The following RBPMS variants were observed in gnomAD, a reference collection of about 807,000 sequenced individuals.
RBPMS encodes the protein RNA binding protein, mRNA processing factor, also known as RNA-binding protein with multiple splicing.
In RBPMS, 7 loss-of-function variants were observed where a neutral mutation model predicts 26.8. That is an observed-to-expected ratio of 0.26 (90% CI 0.15 to 0.49). The LOEUF is 0.49. Ranked by LOEUF, RBPMS falls within the 20% of genes least tolerant of loss-of-function variation. The probability of loss-of-function intolerance (pLI) is 0.98; values close to 1 mark genes in which losing one functional copy is unlikely to be tolerated. For missense variants in RBPMS, 186 were observed against 250.0 expected (o/e 0.74, Z 1.73); for synonymous variants, 96 against 93.3 (o/e 1.03, Z -0.17).
At chr8:30,442,443 C>A (rs903200005) in intron 1 of RBPMS, among the ~76,000 whole-genome samples, 1 of 152,156 alleles carries the variant, frequency 6.6e-6, no homozygotes, top group Non-Finnish European at 1.5e-5. Flanking sequence ...TCACCCTCAC[C>A]GTGGCAACTC....
chr8:30,440,698 G>T (rs78389789), intron 1 of RBPMS, among the ~76,000 whole-genome samples: 2,893 of 151,968 alleles, frequency 0.019, 92 homozygotes, highest in African/African-American at 0.066. Flanking sequence ...AATTGTTTTT[G>T]ATTTTTTGAG....
chr8:30,478,644 C>T (rs917485607), intron 3 of RBPMS, among the ~76,000 whole-genome samples: 6 of 152,034 alleles, frequency 3.9e-5, no homozygotes, highest in Non-Finnish European at 7.4e-5. Context: ...GGACTACAGG[C>T]GCATGCCACC....
intron 7 of RBPMS, chr8:30,565,836 GCC>G (rs2151095344): frequency 6.6e-6 from 1 of 152,642 alleles, no homozygotes; most frequent in South Asian, 2.1e-4. Flanking sequence ...CAGGTCCCAT[GCC>G]TTTCCTCTGC....
intron 1 of RBPMS, among the ~76,000 whole-genome samples, chr8:30,419,449 A>T (rs1041556797): frequency 7.2e-5 from 3 of 41,662 alleles, no homozygotes; most frequent in Non-Finnish European, 1.4e-4. Context: ...GCATCTCAAA[A>T]ATGTGTGTGT....
chr8:30,516,316 G>C (rs937353972), intron 5 of RBPMS, among the ~76,000 whole-genome samples: 7 of 152,144 alleles, frequency 4.6e-5, no homozygotes, highest in African/African-American at 1.7e-4. Context: ...ACCCAGGAGG[G>C]AGAGGTTGCA....
In RBPMS at chr8:30,544,618, T is replaced by C. The variant is rs765470504; in HGVS notation, c.522T>C (p.His174=). The change falls in exon 6 of 9, where the codon CAT becomes CAC. Residue 174 remains histidine, a synonymous_variant. Transcript: ENST00000397323. ...PPAFTYPASL[H]AQMRWLPPSE... ...CTTTCACCTATCCCGCTTCACTGCA[T>C]GCCCAGGTAATTGATACCCATCGGC... 25 of 1,614,008 alleles carry C rather than the reference T, an allele frequency of 1.5e-5. 1 individual carries two copies. In the South Asian group the frequency reaches 2.7e-4, roughly 18 times the overall value.
chr8:30,492,809 G>T (rs1819535209), intron 4 of RBPMS, among the ~76,000 whole-genome samples: 1 of 152,168 alleles, frequency 6.6e-6, no homozygotes, highest in Non-Finnish European at 1.5e-5. Context: ...GAATAAGGTT[G>T]TGATTTCTTT....
chr8:30,391,825 C>G (rs1402910314), intron 1 of RBPMS, among the ~76,000 whole-genome samples: 1 of 152,026 alleles, frequency 6.6e-6, no homozygotes, highest in Non-Finnish European at 1.5e-5. Flanking sequence ...GTCAGTGTTG[C>G]TGATAGCAGG....
chr8:30,569,102 C>T (rs1244834522), intron 8 of RBPMS, among the ~76,000 whole-genome samples: 2 of 152,192 alleles, frequency 1.3e-5, no homozygotes, highest in African/African-American at 4.8e-5. Flanking sequence ...GCTGCAGCTA[C>T]CCATGGAGGC....
At chr8:30,522,062 C>T (rs543413713) in intron 5 of RBPMS, among the ~76,000 whole-genome samples, 1 of 152,112 alleles carries the variant, frequency 6.6e-6, no homozygotes, top group Non-Finnish European at 1.5e-5. Context: ...GTGTTCTTAT[C>T]AGAAAAACCT....
chr8:30,564,185 A>AAC (rs1268658622), intron 7 of RBPMS: 7 of 152,160 alleles, frequency 4.6e-5, no homozygotes, highest in Non-Finnish European at 8.8e-5. Flanking sequence ...AAAGACCTAG[A>AAC]ACTTCACCAG....
chr8:30,548,574 ACTGC>A (rs1485753068), intron 6 of RBPMS, among the ~76,000 whole-genome samples: 1 of 152,158 alleles, frequency 6.6e-6, no homozygotes, highest in Non-Finnish European at 1.5e-5. Context: ...ATTATAACAG[ACTGC>A]CTGAGGACAA....
At chr8:30,563,642 G>A (rs1481020198) in intron 7 of RBPMS, among the ~76,000 whole-genome samples, 4 of 152,168 alleles carry the variant, frequency 2.6e-5, no homozygotes, top group African/African-American at 9.7e-5. Flanking sequence ...GACGGAATTT[G>A]GAGCTATTTT....
At chr8:30,549,230 G>T (rs1290811005) in intron 6 of RBPMS, among the ~76,000 whole-genome samples, 3 of 152,340 alleles carry the variant, frequency 2.0e-5, no homozygotes, top group Non-Finnish European at 2.9e-5. Context: ...TAAGGCAGGA[G>T]TCCGGAGATT....
chr8:30,516,399 A>AC (rs977303855), intron 5 of RBPMS, among the ~76,000 whole-genome samples: 2 of 151,606 alleles, frequency 1.3e-5, no homozygotes, highest in African/African-American at 4.8e-5. Flanking sequence ...AAAAAAGAAA[A>AC]AACACCTGCA....
chr8:30,542,588 G>C (rs191768338), intron 5 of RBPMS, among the ~76,000 whole-genome samples: 6 of 152,312 alleles, frequency 3.9e-5, no homozygotes, highest in Middle Eastern at 3.4e-3. Flanking sequence ...ATGGTCTTCT[G>C]CTATCACAGT....
intron 1 of RBPMS, among the ~76,000 whole-genome samples, chr8:30,390,734 G>T (rs1373378554): frequency 2.0e-5 from 3 of 151,986 alleles, no homozygotes; most frequent in Non-Finnish European, 4.4e-5. Flanking sequence ...TTTAACTCCT[G>T]GTTATTATTT....
chr8:30,472,082 A>G (rs1817173161), intron 1 of RBPMS, among the ~76,000 whole-genome samples: 2 of 152,232 alleles, frequency 1.3e-5, no homozygotes, highest in Non-Finnish European at 2.9e-5. Context: ...GAAAGAAAGT[A>G]TACATCCATA....
chr8:30,560,496 C>T (rs570370882), intron 7 of RBPMS, among the ~76,000 whole-genome samples: 17 of 152,260 alleles, frequency 1.1e-4, no homozygotes, highest in Admixed American at 4.6e-4. Context: ...TGAGAGAGAG[C>T]GCTCTGTGCT....
Sources: gnomAD v4.1 joint callset for allele counts (sites outside exome capture counted in the v4.1 genomes callset) on GRCh38, gnomAD v4.1.1 for gene constraint, MANE v1.5 for transcripts, NCBI Gene and HGNC (gene_info 2026-07-23, HGNC 2026-07-21) for gene names.